The following CAMK2D variants were observed in gnomAD, a reference collection of about 807,000 sequenced individuals.
CAMK2D encodes calcium/calmodulin dependent protein kinase II delta.
CAMK2D carries 37 observed loss-of-function variants against 84.0 expected under a neutral mutation model. The observed-to-expected ratio is 0.44, with a 90% CI of 0.34 to 0.58. The LOEUF is 0.58. Among genes scored for constraint, CAMK2D ranks in the 20% least tolerant of loss-of-function variants. CAMK2D has a pLI of 0.02. For synonymous variants in CAMK2D, 202 were observed against 212.5 expected, an observed-to-expected ratio of 0.95 and a Z score of 0.43; for missense variants, 448 against 652.5, an observed-to-expected ratio of 0.69 and a Z score of 3.41.
At chr4:113,721,360 A>G (rs2099529942) in intron 2 of CAMK2D, among the ~76,000 whole-genome samples, 1 of 152,184 alleles carries the variant, frequency 6.6e-6, no homozygotes, top group Non-Finnish European at 1.5e-5. Context: ...CTACCTAAAT[A>G]TAATTCTCAC....
At chr4:113,734,673 T>C (rs1185463033) in intron 2 of CAMK2D, among the ~76,000 whole-genome samples, 1 of 152,158 alleles carries the variant, frequency 6.6e-6, no homozygotes, top group Non-Finnish European at 1.5e-5. Context: ...GTTAGACTAG[T>C]TATTAAAATG....
chr4:113,655,447 T>G (rs2099194974), intron 3 of CAMK2D, among the ~76,000 whole-genome samples: 1 of 152,056 alleles, frequency 6.6e-6, no homozygotes, highest in Non-Finnish European at 1.5e-5. Flanking sequence ...CACTAAAGAC[T>G]AGATTCAAAA....
At chr4:113,478,304 C>T (rs945664325) in intron 16 of CAMK2D, among the ~76,000 whole-genome samples, 6 of 152,252 alleles carry the variant, frequency 3.9e-5, no homozygotes, top group African/African-American at 1.4e-4. Flanking sequence ...GCTCCTGTTA[C>T]AAAATTGTAG....
At chr4:113,588,796 C>G (rs2098845648) in intron 4 of CAMK2D, among the ~76,000 whole-genome samples, 1 of 151,934 alleles carries the variant, frequency 6.6e-6, no homozygotes, top group Non-Finnish European at 1.5e-5. Flanking sequence ...AGAAAAAAGT[C>G]CCTGCACTAA....
At chr4:113,464,520 C>T (rs62314976) in intron 17 of CAMK2D, among the ~76,000 whole-genome samples, 50,563 of 152,082 alleles carry the variant, frequency 0.33, 9,128 homozygotes, top group South Asian at 0.48. Flanking sequence ...ATTCAATCTC[C>T]GTTTTGCATT....
At chr4:113,528,696 T>C (rs2098438303) in intron 8 of CAMK2D, among the ~76,000 whole-genome samples, 2 of 152,210 alleles carry the variant, frequency 1.3e-5, no homozygotes, top group Admixed American at 6.6e-5. Flanking sequence ...AGCTTTATCA[T>C]GTTTTAAAAA....
At chr4:113,509,220 T>G (rs1411086739) in intron 13 of CAMK2D, among the ~76,000 whole-genome samples, 2 of 152,228 alleles carry the variant, frequency 1.3e-5, no homozygotes, top group African/African-American at 2.4e-5. Context: ...CATTCTATTT[T>G]CCATACCCAA....
At chr4:113,559,331 A>T (rs1044452346) in intron 4 of CAMK2D, among the ~76,000 whole-genome samples, 1 of 152,244 alleles carries the variant, frequency 6.6e-6, no homozygotes, top group Non-Finnish European at 1.5e-5. Flanking sequence ...TAAGTTTCAA[A>T]CACTATAATA....
chr4:113,621,556 CA>C lies in CAMK2D; in HGVS notation c.221-12351del, dbSNP rs1211329386. Reference sequence around the variant, plus strand: ...GAGTCTTCATTCAGAGATTCTAAGCCAATGGGATAAATGAGTAGCTTCATGA... The same window carrying C: ...GAGTCTTCATTCAGAGATTCTAAGCCATGGGATAAATGAGTAGCTTCATGA... On this transcript the variant is annotated intron_variant, in intron 3 of 20. Transcript: ENST00000511664. Among the ~76,000 whole-genome samples, 6 of 152,182 alleles carry C rather than the reference CA, an allele frequency of 3.9e-5. No individual in the cohort carries two copies. The East Asian group carries it at 1.2e-3, about 29-fold the overall frequency.
At chr4:113,556,639 G>C (rs574304146) in intron 4 of CAMK2D, among the ~76,000 whole-genome samples, 1 of 152,252 alleles carries the variant, frequency 6.6e-6, no homozygotes, top group African/African-American at 2.4e-5. Context: ...GAACTACCTT[G>C]TCAGCGTGCC....
intron 16 of CAMK2D, among the ~76,000 whole-genome samples, chr4:113,491,996 A>C (rs890416657): frequency 1.3e-5 from 2 of 151,942 alleles, no homozygotes; most frequent in Non-Finnish European, 1.5e-5. Flanking sequence ...TATCCCCTTT[A>C]TCATTTTTTA....
At chr4:113,495,737 G>T in intron 16 of CAMK2D, among the ~76,000 whole-genome samples, 1 of 152,094 alleles carries the variant, frequency 6.6e-6, no homozygotes, top group East Asian at 1.9e-4. Context: ...CAAGAAGGAT[G>T]AAGTCTCCAC....
intron 2 of CAMK2D, among the ~76,000 whole-genome samples, chr4:113,664,894 C>G (rs373811142): frequency 6.6e-6 from 1 of 152,124 alleles, no homozygotes; most frequent in Non-Finnish European, 1.5e-5. Flanking sequence ...ACCTCCACCC[C>G]CCGGGTTCAA....
At chr4:113,618,733 T>C (rs1029168514) in intron 3 of CAMK2D, among the ~76,000 whole-genome samples, 3 of 152,250 alleles carry the variant, frequency 2.0e-5, no homozygotes, top group African/African-American at 4.8e-5. Flanking sequence ...ACATGAAAAA[T>C]ACATTCTGTA....
chr4:113,755,417 A>G (rs1458260366), intron 2 of CAMK2D, among the ~76,000 whole-genome samples: 1 of 151,922 alleles, frequency 6.6e-6, no homozygotes, highest in East Asian at 1.9e-4. Context: ...AATGGAGTAG[A>G]GGTAAAATAC....
At chr4:113,492,695 C>T (rs1222751015) in intron 16 of CAMK2D, among the ~76,000 whole-genome samples, 1 of 149,172 alleles carries the variant, frequency 6.7e-6, no homozygotes, top group Non-Finnish European at 1.5e-5. Flanking sequence ...CCTGGTTATC[C>T]TTGTTGACTT....
intron 2 of CAMK2D, among the ~76,000 whole-genome samples, chr4:113,749,814 G>T (rs554831275): frequency 1.3e-5 from 2 of 152,254 alleles, no homozygotes; most frequent in Non-Finnish European, 2.9e-5. Context: ...CAATAAAGCA[G>T]AATTTGTCAT....
At chr4:113,564,258 C>T (rs961508622) in intron 4 of CAMK2D, among the ~76,000 whole-genome samples, 2 of 152,104 alleles carry the variant, frequency 1.3e-5, no homozygotes, top group African/African-American at 2.4e-5. Flanking sequence ...ACCTCCATAA[C>T]GTGGCACACT....
chr4:113,611,844 A>G (rs922743606), intron 3 of CAMK2D, among the ~76,000 whole-genome samples: 3 of 152,194 alleles, frequency 2.0e-5, no homozygotes, highest in Non-Finnish European at 2.9e-5. Flanking sequence ...CTTCTTTTGC[A>G]TCACACAATT....
Sources: allele counts gnomAD v4.1 joint callset (sites outside exome capture counted in the v4.1 genomes callset), GRCh38; gene constraint gnomAD v4.1.1; transcripts MANE v1.5; gene names NCBI Gene and HGNC (gene_info 2026-07-23, HGNC 2026-07-21).